CFAP53: variants seen among roughly 807,000 people sequenced by gnomAD.
CFAP53 encodes cilia and flagella associated protein 53.
Under a neutral mutation model 59.7 loss-of-function variants are expected in CFAP53, and 62 were observed. The observed-to-expected ratio is 1.04, with a 90% CI of 0.85 to 1.28. The LOEUF (loss-of-function observed/expected upper bound fraction) is 1.28. CFAP53 is among the 50% of genes most tolerant of loss of function. The pLI is 0.00. For missense variants in CFAP53, 629 were observed against 615.6 expected, an observed-to-expected ratio of 1.02 and a Z score of -0.23; for synonymous variants, 218 against 205.7, an observed-to-expected ratio of 1.06 and a Z score of -0.51.
Position 50,266,355 on chromosome 18 carries a change from G to T in CFAP53, c.50C>A (p.Thr17Asn), listed in dbSNP as rs780520061. ...GTVQREVKGP[T>N]PKVVIVRSKP... ...GCTTACCACGATCACCACTTTGGGGGTGGGGCCCTTAACCTCCCGCTGTAC... is the reference window on the plus strand; with the variant it reads ...GCTTACCACGATCACCACTTTGGGGTTGGGGCCCTTAACCTCCCGCTGTAC... The change falls in exon 1 of 8, where the codon ACC becomes AAC. Residue 17 changes from threonine (T) to asparagine (N), a missense_variant. Transcript: ENST00000398545. 7 of 1,614,146 alleles carry T rather than the reference G, an allele frequency of 4.3e-6. No homozygotes were observed. The highest frequency in any genetic ancestry group is 5.9e-6 in the Non-Finnish European group (7 of 1,180,036).
At chr18:50,238,533 T>C in intron 7 of CFAP53, 70 bp downstream of exon 7, 1 of 982,046 alleles carries the variant, frequency 1.0e-6, no homozygotes, top group Non-Finnish European at 1.6e-6. Context: ...ATTACAGGTG[T>C]GAGCCACCAT....
Position 50,251,697 on chromosome 18 carries a change from A to G in CFAP53, c.561T>C (p.Asn187=), listed in dbSNP as rs781060184. Residue 187 remains asparagine, a synonymous_variant, in exon 4 of 8, where the codon AAT becomes AAC. Coordinates refer to ENST00000398545, the MANE Select transcript of CFAP53 (RefSeq NM_145020.5). ...CCAGCTTTTGCCTGCTCAGCTCCTC[A>G]TTAAATGCAATCTGTGCTTTCCGCT... The part of the protein sequence containing the change: ...CEERKAQIAF[N]EELSRQKLVE... The G allele has an allele frequency of 3.7e-6, 6 of 1,614,060 alleles. No individual in the cohort carries two copies. In the African/African-American group the frequency reaches 4.0e-5, roughly 11 times the overall value.
intron 6 of CFAP53, among the ~76,000 whole-genome samples, chr18:50,242,603 G>C (rs530940856): frequency 6.6e-6 from 1 of 152,322 alleles, no homozygotes; most frequent in African/African-American, 2.4e-5. Context: ...ACAAGGGGGA[G>C]CTGTATGTCT....
chr18:50,244,810 C>T (rs1042114602), intron 5 of CFAP53, among the ~76,000 whole-genome samples: 1 of 152,112 alleles, frequency 6.6e-6, no homozygotes, highest in Admixed American at 6.6e-5. Context: ...CCTGTAATCC[C>T]AGCACTTTCG....
rs780868266 is a variant in CFAP53, at chr18:50,261,984, C to G, written c.299+6G>C. 1.3e-6 allele frequency: 2 copies of G among 1,597,186 alleles called. No homozygotes were observed. Among genetic ancestry groups the G allele is most frequent in the East Asian group, 2.2e-5 (1 of 44,458 alleles). On this transcript the variant is annotated splice_donor_region_variant and intron_variant, in intron 2 of 7. Transcript: ENST00000398545. ...ATGGTTTATGTCCCAGGTTTGTGAGCCTTACTTATTTCGTCTTTCTTCAAT... is the reference window on the plus strand; with the variant it reads ...ATGGTTTATGTCCCAGGTTTGTGAGGCTTACTTATTTCGTCTTTCTTCAAT...
intron 5 of CFAP53, among the ~76,000 whole-genome samples, chr18:50,245,111 G>A (rs372528948): frequency 3.3e-5 from 5 of 150,786 alleles, no homozygotes; most frequent in Non-Finnish European, 7.4e-5. Flanking sequence ...GGCTGGGCGC[G>A]GTGGCTCACG....
chr18:50,260,685 C>T (rs959001453), intron 3 of CFAP53, among the ~76,000 whole-genome samples: 2 of 151,902 alleles, frequency 1.3e-5, no homozygotes, highest in African/African-American at 4.8e-5. Flanking sequence ...CGAAAAACCC[C>T]CCAGGGAACC....
chr18:50,254,154 TA>T (rs1434534836), intron 3 of CFAP53, among the ~76,000 whole-genome samples: 1 of 148,054 alleles, frequency 6.8e-6, no homozygotes, highest in Non-Finnish European at 1.5e-5. Flanking sequence ...AAAGATAAGC[TA>T]TAGTCTAGGA....
intron 5 of CFAP53, among the ~76,000 whole-genome samples, chr18:50,249,140 T>C (rs1306772099): frequency 1.4e-5 from 2 of 145,574 alleles, no homozygotes; most frequent in Non-Finnish European, 3.0e-5. Flanking sequence ...GAGGCGGAGG[T>C]TGCAGTGAGC....
At chr18:50,265,894 C>T (rs1242995990) in intron 1 of CFAP53, among the ~76,000 whole-genome samples, 1 of 152,208 alleles carries the variant, frequency 6.6e-6, no homozygotes, top group East Asian at 1.9e-4. Context: ...AATTCCCCTT[C>T]CTCAGACGAT....
At chr18:50,229,085 C>CAAAAA (rs1250153629) in intron 7 of CFAP53, among the ~76,000 whole-genome samples, 1 of 152,034 alleles carries the variant, frequency 6.6e-6, no homozygotes, top group Admixed American at 6.6e-5. Context: ...AAGACCTTGT[C>CAAAAA]AAAAAACAAA....
At chr18:50,233,087 C>T (rs2033597778) in intron 7 of CFAP53, among the ~76,000 whole-genome samples, 1 of 152,144 alleles carries the variant, frequency 6.6e-6, no homozygotes, top group Non-Finnish European at 1.5e-5. Flanking sequence ...GTGAAGTCTT[C>T]TATAGCTCTC....
Position 50,242,951 on chromosome 18 carries a change from G to T in CFAP53, c.1162C>A (p.Gln388Lys), listed in dbSNP as rs763000069. 6.2e-7 allele frequency: 1 copy of T among 1,613,988 alleles called. No homozygotes were observed. Among genetic ancestry groups the T allele is most frequent in the South Asian group, 1.1e-5 (1 of 91,078 alleles). ...ELRLEKEARR[Q>K]LVDEVMCTRK... ...GTACACATGACCTCATCCACAAGCT[G>T]TCTCCTTGCCTCCTTTTCAAGTCTC... is the stretch of plus-strand genomic sequence containing the variant. The change falls in exon 6 of 8, where the codon CAG becomes AAG. Residue 388 changes from glutamine to lysine, a missense_variant. Transcript: ENST00000398545.
chr18:50,236,050 C>G (rs1053478516), intron 7 of CFAP53, among the ~76,000 whole-genome samples: 5 of 152,202 alleles, frequency 3.3e-5, no homozygotes, highest in African/African-American at 1.2e-4. Context: ...GTTCATGGCC[C>G]AGGACATACA....
chr18:50,243,392 T>C (rs546784231), intron 5 of CFAP53, among the ~76,000 whole-genome samples: 1 of 152,334 alleles, frequency 6.6e-6, no homozygotes, highest in South Asian at 2.1e-4. Context: ...TTTGTATTTG[T>C]TTAAAATGTT....
rs1328891436 is a variant in CFAP53, at chr18:50,265,434, C to CA, written c.69+901dup. Among the ~76,000 whole-genome samples the CA allele has an allele frequency of 6.2e-4, 93 of 149,466 alleles. 1 individual carries two copies. Among genetic ancestry groups the CA allele is most frequent in the African/African-American group, 1.1e-3 (47 of 40,914 alleles). ...ATGTATATGCAAGTATTCCAAAATCCAAAAAAAAAATCTGAAATCCTAGAC... is the reference window on the plus strand; with the variant it reads ...ATGTATATGCAAGTATTCCAAAATCCAAAAAAAAAAATCTGAAATCCTAGAC... On this transcript the variant is annotated intron_variant, in intron 1 of 7. Transcript: ENST00000398545.
At position 50,256,958 on chromosome 18, in the gene CFAP53, T is replaced by C. The variant is rs371708084; in HGVS notation, c.473+4106A>G. 4.7e-5 allele frequency among the ~76,000 whole-genome samples: 7 copies of C among 148,944 alleles called. No homozygotes were observed. The East Asian group carries it at 1.4e-3, about 29-fold the overall frequency. Reference sequence around the variant, plus strand: ...CTTGCCCCACTCATACTAGATGACCTAACAACCTAAGTGACACTCACTCTC... The same window carrying C: ...CTTGCCCCACTCATACTAGATGACCCAACAACCTAAGTGACACTCACTCTC... On this transcript the variant is annotated intron_variant, in intron 3 of 7. Coordinates refer to ENST00000398545, the MANE Select transcript of CFAP53 (RefSeq NM_145020.5).
intron 7 of CFAP53, among the ~76,000 whole-genome samples, chr18:50,231,121 C>T (rs767328804): frequency 1.2e-4 from 19 of 152,188 alleles, no homozygotes; most frequent in East Asian, 1.9e-4. Flanking sequence ...TCAAACACCT[C>T]GGCTGACAGA....
chr18:50,228,358 T>C (rs1036382677), intron 7 of CFAP53, among the ~76,000 whole-genome samples: 4 of 152,310 alleles, frequency 2.6e-5, no homozygotes, highest in African/African-American at 9.6e-5. Flanking sequence ...AGTGATCTCA[T>C]GCTGCTGGGG....
Sources: allele counts gnomAD v4.1 joint callset (sites outside exome capture counted in the v4.1 genomes callset), GRCh38; gene constraint gnomAD v4.1.1; transcripts MANE v1.5; gene names NCBI Gene and HGNC (gene_info 2026-07-23, HGNC 2026-07-21).